The following ZRANB3 variants were observed in gnomAD, a reference collection of about 807,000 sequenced individuals.
The protein encoded by ZRANB3 is DNA annealing helicase and endonuclease ZRANB3.
A neutral mutation model predicts 133.8 loss-of-function variants in ZRANB3; 125 were observed. The ratio of observed to expected loss-of-function variants is 0.93; its 90% CI spans 0.81 to 1.08. ZRANB3 has a LOEUF of 1.08. Ranked by LOEUF, ZRANB3 falls within the 50% of genes least tolerant of loss-of-function variation. The pLI is 0.00. For missense variants in ZRANB3, 1,229 were observed against 1,275.5 expected, an observed-to-expected ratio of 0.96 and a Z score of 0.56; for synonymous variants, 387 against 432.7, an observed-to-expected ratio of 0.89 and a Z score of 1.31.
In ZRANB3 at chr2:135,341,698, T is replaced by C. The variant is rs192295450; in HGVS notation, c.677+3852A>G. On this transcript the variant is annotated intron_variant, in intron 6 of 20. Transcript: ENST00000264159. The stretch of plus-strand genomic sequence containing the variant: ...TTTCCCCAGTAAGGAATATTAATAA[T>C]TAACAGCCCTGGGAAAATAATGCAT... 7.7e-3 allele frequency among the ~76,000 whole-genome samples: 1,152 copies of C among 149,886 alleles called. 127 individuals are homozygous for C. Among genetic ancestry groups the C allele is most frequent in the African/African-American group, 0.028 (1,084 of 39,266 alleles).
chr2:135,344,253 C>T (rs6749387), intron 6 of ZRANB3, among the ~76,000 whole-genome samples: 40,538 of 152,018 alleles, frequency 0.27, 9,063 homozygotes, highest in African/African-American at 0.6. Flanking sequence ...TCGGCAATAG[C>T]AGACGTGAAA....
intron 6 of ZRANB3, among the ~76,000 whole-genome samples, chr2:135,323,053 C>T (rs1016344114): frequency 3.3e-5 from 5 of 151,652 alleles, no homozygotes; most frequent in African/African-American, 9.7e-5. Context: ...TGTCCACAAA[C>T]ATGGTATACC....
intron 2 of ZRANB3, among the ~76,000 whole-genome samples, chr2:135,405,489 C>T (rs892384760): frequency 2.0e-5 from 3 of 152,166 alleles, no homozygotes; most frequent in Non-Finnish European, 4.4e-5. Context: ...ATCTACAGAA[C>T]TCTCCATCCC....
At chr2:135,325,403 G>A (rs939624881) in intron 6 of ZRANB3, among the ~76,000 whole-genome samples, 1 of 152,000 alleles carries the variant, frequency 6.6e-6, no homozygotes, top group Non-Finnish European at 1.5e-5. Context: ...TTTTAAAGAG[G>A]CATGCCAACT....
chr2:135,394,148 T>C (rs933017029), intron 2 of ZRANB3, among the ~76,000 whole-genome samples: 59 of 152,112 alleles, frequency 3.9e-4, no homozygotes, highest in African/African-American at 1.4e-3. Flanking sequence ...TGAGCCACCA[T>C]GCCCAGCTTA....
At chr2:135,287,349 A>G (rs1228956666) in intron 8 of ZRANB3, among the ~76,000 whole-genome samples, 2 of 152,174 alleles carry the variant, frequency 1.3e-5, no homozygotes, top group Non-Finnish European at 2.9e-5. Context: ...AAGTCATGTA[A>G]TGTGATACCC....
At chr2:135,247,709 C>A (rs1695862864) in intron 12 of ZRANB3, among the ~76,000 whole-genome samples, 1 of 152,048 alleles carries the variant, frequency 6.6e-6, no homozygotes, top group African/African-American at 2.4e-5. Context: ...TTCCATGGCA[C>A]CTCTAAAATT....
At chr2:135,366,306 G>GT (rs796505442) in intron 3 of ZRANB3, among the ~76,000 whole-genome samples, 4,839 of 149,044 alleles carry the variant, frequency 0.032, 244 homozygotes, top group African/African-American at 0.11. Context: ...CTTTGTGAAA[G>GT]TTTTTTTTTT....
rs1443093536 is a variant in ZRANB3 at position 135,200,027 on chromosome 2, T to A, written c.*315A>T. On this transcript the variant is annotated 3_prime_UTR_variant, in exon 21 of 21. Coordinates refer to ENST00000264159, the MANE Select transcript of ZRANB3 (RefSeq NM_032143.4). ...TTTTAGGTAATTGAGAGTACATTTT[T>A]TAAACACAATCTATGCACAATACAG... is the stretch of plus-strand genomic sequence containing the variant. The A allele has an allele frequency of 2.8e-6, 1 of 355,896 alleles. No homozygotes were observed. The highest frequency in any genetic ancestry group is 2.1e-5 in the African/African-American group (1 of 46,760). The allele number at this position is 355,896 out of a possible 1,614,324, so 22.0% of individuals were successfully genotyped here.
At chr2:135,392,696 C>T (rs1374049737) in intron 2 of ZRANB3, among the ~76,000 whole-genome samples, 1 of 151,990 alleles carries the variant, frequency 6.6e-6, no homozygotes, top group African/African-American at 2.4e-5. Flanking sequence ...TGCAGTGAGC[C>T]AAGATCATGC....
At chr2:135,355,166 T>C (rs886297319) in intron 3 of ZRANB3, 22 of 939,268 alleles carry the variant, frequency 2.3e-5, no homozygotes, top group Non-Finnish European at 2.7e-5. Context: ...ATTTTTCTTT[T>C]AACTGCTCCT....
In ZRANB3 at chr2:135,435,348, A is replaced by T. The variant is rs186727307; in HGVS notation, c.162-44528T>A. 8.5e-5 allele frequency among the ~76,000 whole-genome samples: 13 copies of T among 152,304 alleles called. No individual in the cohort carries two copies. The East Asian group carries it at 2.5e-3, about 29-fold the overall frequency. On this transcript the variant is annotated intron_variant, in intron 2 of 20. Coordinates refer to ENST00000264159, the MANE Select transcript of ZRANB3 (RefSeq NM_032143.4). ...TTGTTCTTTTTTATGGCTGCATAGTATTCCATGGTGTATATGTATCACATT... is the reference window on the plus strand; with the variant it reads ...TTGTTCTTTTTTATGGCTGCATAGTTTTCCATGGTGTATATGTATCACATT...
chr2:135,486,163 T>G lies in ZRANB3; in HGVS notation c.161+18166A>C, dbSNP rs79020671. Among the ~76,000 whole-genome samples the G allele has an allele frequency of 3.2e-3, 485 of 152,308 alleles. 4 individuals are homozygous for G. Among genetic ancestry groups the G allele is most frequent in the African/African-American group, 0.011 (461 of 41,572 alleles). On this transcript the variant is annotated intron_variant, in intron 2 of 20. Coordinates refer to ENST00000264159, the MANE Select transcript of ZRANB3 (RefSeq NM_032143.4). ...TGACTTATGCCACATCAATTGACTC[T>G]TTCTTTCATGAAAGATTTCTTGAAG... is the stretch of plus-strand genomic sequence containing the variant.
At chr2:135,234,924 GA>G (rs1349508775) in intron 12 of ZRANB3, among the ~76,000 whole-genome samples, 4 of 152,098 alleles carry the variant, frequency 2.6e-5, no homozygotes, top group African/African-American at 9.7e-5. Context: ...CAGAAGGCAA[GA>G]AATAACTAAG....
chr2:135,349,661 T>G (rs1196999054), intron 5 of ZRANB3, among the ~76,000 whole-genome samples: 2 of 152,072 alleles, frequency 1.3e-5, no homozygotes, highest in Admixed American at 1.3e-4. Context: ...TAATGTAAAA[T>G]AGGATAAATG....
At chr2:135,224,629 T>C in intron 14 of ZRANB3, 112 bp from the exon 15 acceptor site, 1 of 630,378 alleles carries the variant, frequency 1.6e-6, no homozygotes, top group South Asian at 3.9e-5. Flanking sequence ...AAAATATCAA[T>C]ATATTTAACA....
intron 8 of ZRANB3, among the ~76,000 whole-genome samples, chr2:135,291,506 G>A (rs1368958273): frequency 3.3e-5 from 5 of 151,704 alleles, no homozygotes; most frequent in Non-Finnish European, 7.4e-5. Flanking sequence ...CTTAGGTTTG[G>A]TTGTTTAACG....
chr2:135,415,763 T>A (rs1574069858), intron 2 of ZRANB3, among the ~76,000 whole-genome samples: 1 of 152,276 alleles, frequency 6.6e-6, no homozygotes, highest in East Asian at 1.9e-4. Flanking sequence ...CCCACCATGA[T>A]CAAGTGGGCT....
At chr2:135,384,021 C>CA (rs1321673151) in intron 3 of ZRANB3, among the ~76,000 whole-genome samples, 1 of 151,934 alleles carries the variant, frequency 6.6e-6, no homozygotes, top group Non-Finnish European at 1.5e-5. Context: ...GGTAGAGACA[C>CA]AAAAAACCCT....
Sources: gnomAD v4.1 joint callset for allele counts (sites outside exome capture counted in the v4.1 genomes callset) on GRCh38, gnomAD v4.1.1 for gene constraint, MANE v1.5 for transcripts, NCBI Gene and HGNC (gene_info 2026-07-23, HGNC 2026-07-21) for gene names.